KIR3DL3: variants seen among roughly 807,000 people sequenced by gnomAD.
The protein encoded by KIR3DL3 is killer cell immunoglobulin-like receptor 3DL3.
A neutral mutation model predicts 34.9 loss-of-function variants in KIR3DL3; 27 were observed. The ratio of observed to expected loss-of-function variants is 0.77; its 90% CI spans 0.57 to 1.07. The LOEUF (loss-of-function observed/expected upper bound fraction) is 1.07. Ranked by LOEUF, KIR3DL3 falls within the 50% of genes least tolerant of loss-of-function variation. The pLI, the probability that KIR3DL3 is intolerant of heterozygous loss-of-function variation, is 0.00. For synonymous variants in KIR3DL3, 217 were observed against 200.2 expected, an observed-to-expected ratio of 1.08 and a Z score of -0.71; for missense variants, 681 against 528.5, an observed-to-expected ratio of 1.29 and a Z score of -2.83.
chr19:54,725,125 AGGTGGAGATAT>A (rs2068020969), intron 1 of KIR3DL3, 111 bp from the exon 2 acceptor site: 1 of 290,314 alleles, frequency 3.4e-6, no homozygotes, highest in African/African-American at 4.6e-5. Flanking sequence ...TATAGGACGG[AGGTGGAGATAT>A]AGGCCTGGAG....
In KIR3DL3 at chr19:54,727,769, C is replaced by T. The variant is rs2146779908; in HGVS notation, c.514C>T (p.His172Tyr). The change falls in exon 4 of 8, where the codon CAC becomes TAC. Residue 172 changes from histidine to tyrosine, a missense_variant. Transcript: ENST00000291860. ...CCCCTTGCGCCTCGTTGGACAGCTC[C>T]ACGATGCGGGTTCCCAGGTCAACTA... ...EDPLRLVGQL[H>Y]DAGSQVNYSM... 6.2e-7 allele frequency: 1 copy of T among 1,613,442 alleles called. No homozygotes were observed. The highest frequency in any genetic ancestry group is 8.5e-7 in the Non-Finnish European group (1 of 1,179,870).
chr19:54,735,943 C>G, intron 7 of KIR3DL3, 28 bp from the exon 8 acceptor site: 1 of 1,610,370 alleles, frequency 6.2e-7, no homozygotes, highest in Non-Finnish European at 8.5e-7. Context: ...TGAGCACCCT[C>G]CCTCACTCAG....
Position 54,729,786 on chromosome 19 carries a change from G to A in KIR3DL3, c.949G>A (p.Gly317Ser), listed in dbSNP as rs1157978268. ...PSDPLPVSVT[G>S]NSRNLHVLIG... ...TGACCCACTGCCCGTTTCTGTCACA[G>A]GTGAGAAAACACCATGCCTGTCCCA... is the stretch of plus-strand genomic sequence containing the variant. The change falls in exon 5 of 8, where the codon GGT becomes AGT. Residue 317 changes from glycine to serine, a missense_variant and splice_region_variant. Physicochemically the swap from Gly to Ser is moderately conservative, Grantham distance 56 (BLOSUM62 0). Coordinates refer to ENST00000291860, the MANE Select transcript of KIR3DL3 (RefSeq NM_153443.5). 1.3e-6 allele frequency: 2 copies of A among 1,595,756 alleles called. No homozygotes were observed. The highest frequency in any genetic ancestry group is 1.1e-5 in the South Asian group (1 of 89,322).
At chr19:54,734,922 C>A (rs570736498) in intron 5 of KIR3DL3, among the ~76,000 whole-genome samples, 1 of 141,444 alleles carries the variant, frequency 7.1e-6, no homozygotes, top group South Asian at 2.4e-4. Flanking sequence ...AACTTGCTAA[C>A]CCCGTCTCCT....
chr19:54,724,828 G>A (rs964758757), intron 1 of KIR3DL3, among the ~76,000 whole-genome samples: 6 of 144,214 alleles, frequency 4.2e-5, no homozygotes, highest in African/African-American at 1.0e-4. Flanking sequence ...ATTGAGATAC[G>A]GGCCTGGAGG....
chr19:54,736,163 C>G lies in KIR3DL3; in HGVS notation c.*67C>G. 3 of 1,592,248 alleles carry G rather than the reference C, an allele frequency of 1.9e-6. No homozygotes were observed. Among genetic ancestry groups the G allele is most frequent in the South Asian group, 1.1e-5 (1 of 90,186 alleles). On this transcript the variant is annotated 3_prime_UTR_variant, in exon 8 of 8. Transcript: ENST00000291860. ...TCTGTCCACTAGCACCACAGTCAGGCCTTGATGGGATCTTCTAGGGAGACA... is the reference window on the plus strand; with the variant it reads ...TCTGTCCACTAGCACCACAGTCAGGGCTTGATGGGATCTTCTAGGGAGACA...
intron 6 of KIR3DL3, 22 bp from the exon 7 acceptor site, chr19:54,735,798 T>C: frequency 6.2e-7 from 1 of 1,607,766 alleles, no homozygotes; most frequent in Non-Finnish European, 8.5e-7. Context: ...CGAGCTGTTT[T>C]GACGACTTCC....
chr19:54,729,722 C>A lies in KIR3DL3; in HGVS notation c.885C>A (p.Gly295=). 1 of 1,595,488 alleles carries A rather than the reference C, an allele frequency of 6.3e-7. No individual in the cohort carries two copies. ...VTHGGNYRCF[G]SFRALPHAWS... is the part of the protein sequence containing the mutation. ...ACGGAGGGAACTACAGATGCTTCGG[C>A]TCTTTCCGTGCCCTGCCCCATGCGT... is the stretch of plus-strand genomic sequence containing the variant. Residue 295 remains glycine, a synonymous_variant, in exon 5 of 8, where the codon GGC becomes GGA. Coordinates refer to ENST00000291860, the MANE Select transcript of KIR3DL3 (RefSeq NM_153443.5).
chr19:54,730,418 A>G (rs2068676869), intron 5 of KIR3DL3, among the ~76,000 whole-genome samples: 1 of 149,824 alleles, frequency 6.7e-6, no homozygotes, highest in South Asian at 2.1e-4. Context: ...AATTATAATG[A>G]TAATAATTAG....
chr19:54,731,046 G>A (rs1161719443), intron 5 of KIR3DL3, among the ~76,000 whole-genome samples: 1 of 151,350 alleles, frequency 6.6e-6, no homozygotes, highest in African/African-American at 2.4e-5. Context: ...CACTCTTGTT[G>A]CCCAGGCTGG....
Position 54,730,916 on chromosome 19 carries a change from C to T in KIR3DL3, c.949+1130C>T, listed in dbSNP as rs538352369. On this transcript the variant is annotated intron_variant, in intron 5 of 7. Transcript: ENST00000291860. ...TGGGAGTGCAGATGTCACTTCGATA[C>T]GCTGATGTCCTTTCCTTTGGGTTTA... is the stretch of plus-strand genomic sequence containing the variant. 5.8e-4 allele frequency among the ~76,000 whole-genome samples: 88 copies of T among 152,328 alleles called. No individual in the cohort carries two copies. The East Asian group carries it at 0.013, about 22-fold the overall frequency.
At chr19:54,727,122 C>T (rs2068268984) in intron 3 of KIR3DL3, among the ~76,000 whole-genome samples, 1 of 136,460 alleles carries the variant, frequency 7.3e-6, no homozygotes, top group African/African-American at 2.8e-5. Flanking sequence ...CACCAGGGGC[C>T]ACCCTATGGA....
At chr19:54,730,899 C>T (rs2068718023) in intron 5 of KIR3DL3, among the ~76,000 whole-genome samples, 1 of 152,214 alleles carries the variant, frequency 6.6e-6, no homozygotes, top group South Asian at 2.1e-4. Context: ...CATGGGAGTG[C>T]AGATGTCACT....
intron 5 of KIR3DL3, among the ~76,000 whole-genome samples, chr19:54,733,329 T>A (rs1212386896): frequency 1.2e-4 from 18 of 151,988 alleles, no homozygotes; most frequent in African/African-American, 4.4e-4. Flanking sequence ...GGTAGGAGTT[T>A]GAGACCAGCC....
chr19:54,727,629 C>G lies in KIR3DL3; in HGVS notation c.374C>G (p.Ser125Cys), dbSNP rs750059470. ...TTCTTAGGAGTCCACAGAAAACCTT[C>G]CCTCCTGGCCCACCCAGGTCCCCTG... is the stretch of plus-strand genomic sequence containing the variant. ...IMVTGVHRKP[S>C]LLAHPGPLVK... The change falls in exon 4 of 8, where the codon TCC (serine) becomes TGC (cysteine). Residue 125 changes from serine to cysteine, a missense_variant. Ser to Cys is a moderately radical substitution (Grantham distance 112). Transcript: ENST00000291860. 1.9e-6 allele frequency: 3 copies of G among 1,611,336 alleles called. No homozygotes were observed. The highest frequency in any genetic ancestry group is 2.2e-5 in the South Asian group (2 of 90,890).
In KIR3DL3 at chr19:54,726,051, AGGTGGTC is replaced by A; in HGVS notation, c.71-1_76del. ...CTAAGGTGGTGCCTCCTTCTCCCCCAGGTGGTCAGGACAAGCCCTTCCTCTCTGCCTG... is the reference window on the plus strand; with the variant it reads ...CTAAGGTGGTGCCTCCTTCTCCCCCAAGGACAAGCCCTTCCTCTCTGCCTG... On this transcript the variant is annotated splice_acceptor_variant and coding_sequence_variant, in exon 3 of 8. Coordinates refer to ENST00000291860, the MANE Select transcript of KIR3DL3 (RefSeq NM_153443.5). LOFTEE classifies it high-confidence loss of function. 4 of 1,604,098 alleles carry A rather than the reference AGGTGGTC, an allele frequency of 2.5e-6. No individual in the cohort carries two copies. The highest frequency in any genetic ancestry group is 3.3e-5 in the Admixed American group (2 of 59,754).
Position 54,724,455 on chromosome 19 carries a change from A to G in KIR3DL3, c.-42A>G. The stretch of plus-strand genomic sequence containing the variant: ...CCTCACAACATCCTGTGTGCTGCTG[A>G]ACTGAGCTGGGGCGCAGCCGCCTGT... On this transcript the variant is annotated 5_prime_UTR_variant, in exon 1 of 8. Coordinates refer to ENST00000291860, the MANE Select transcript of KIR3DL3 (RefSeq NM_153443.5). The G allele has an allele frequency of 6.2e-7, 1 of 1,612,410 alleles. No individual in the cohort carries two copies. Among genetic ancestry groups the G allele is most frequent in the Non-Finnish European group, 8.5e-7 (1 of 1,179,998 alleles).
chr19:54,729,721 GCT>G lies in KIR3DL3; in HGVS notation c.887_888del (p.Ser296PhefsTer13). On this transcript the variant is annotated frameshift_variant, in exon 5 of 8. Coordinates refer to ENST00000291860, the MANE Select transcript of KIR3DL3 (RefSeq NM_153443.5). LOFTEE classifies it high-confidence loss of function. Reference sequence around the variant, plus strand: ...CACGGAGGGAACTACAGATGCTTCGGCTCTTTCCGTGCCCTGCCCCATGCGTG... The same window carrying G: ...CACGGAGGGAACTACAGATGCTTCGGCTTTCCGTGCCCTGCCCCATGCGTG... The G allele has an allele frequency of 6.3e-7, 1 of 1,593,758 alleles. No individual in the cohort carries two copies. Among genetic ancestry groups the G allele is most frequent in the Non-Finnish European group, 8.5e-7 (1 of 1,173,640 alleles).
intron 1 of KIR3DL3, 52 bp downstream of exon 1, chr19:54,724,582 C>T: frequency 1.2e-6 from 1 of 831,588 alleles, no homozygotes; most frequent in Non-Finnish European, 1.7e-6. Context: ...GAGATCTGGG[C>T]CTGGAGTGGA....
Sources: gnomAD v4.1 joint callset for allele counts (sites outside exome capture counted in the v4.1 genomes callset) on GRCh38, gnomAD v4.1.1 for gene constraint, MANE v1.5 for transcripts, NCBI Gene and HGNC (gene_info 2026-07-23, HGNC 2026-07-21) for gene names.